Variants in TTF1 observed in about 807,000 individuals in gnomAD.
The protein encoded by TTF1 is transcription termination factor, RNA polymerase I.
TTF1 carries 64 observed loss-of-function variants against 80.2 expected under a neutral mutation model. The ratio of observed to expected loss-of-function variants is 0.80; its 90% CI spans 0.65 to 0.98. The LOEUF is 0.98. Among genes scored for constraint, TTF1 ranks in the 50% least tolerant of loss-of-function variants. The pLI, the probability that TTF1 is intolerant of heterozygous loss-of-function variation, is 0.00. For missense variants in TTF1, 1,023 were observed against 1,086.2 expected (o/e 0.94, Z 0.82); for synonymous variants, 372 against 382.7 (o/e 0.97, Z 0.33).
chr9:132,392,500 G>C (rs10901172), intron 5 of TTF1, among the ~76,000 whole-genome samples: 10,621 of 152,146 alleles, frequency 0.07, 543 homozygotes, highest in East Asian at 0.3. Context: ...TCCTCCACCC[G>C]ACCTGGACAG....
At chr9:132,378,311 G>T in intron 10 of TTF1, among the ~76,000 whole-genome samples, 1 of 144,696 alleles carries the variant, frequency 6.9e-6, no homozygotes, top group East Asian at 2.2e-4. Flanking sequence ...TGGTGTGTGT[G>T]AGTGCATGTG....
chr9:132,390,568 G>T (rs1849541458), intron 7 of TTF1, 29 bp downstream of exon 7: 1 of 1,602,550 alleles, frequency 6.2e-7, no homozygotes, highest in African/African-American at 1.3e-5. Flanking sequence ...AAGCTGGAGA[G>T]ACAGAGAAAG....
intron 5 of TTF1, among the ~76,000 whole-genome samples, chr9:132,392,858 T>C (rs1200062363): frequency 2.0e-5 from 3 of 152,224 alleles, no homozygotes; most frequent in Admixed American, 2.0e-4. Flanking sequence ...AATAATATAT[T>C]TCATTGAACT....
chr9:132,375,991 CT>C lies in TTF1; in HGVS notation c.2641del (p.Ser881AlafsTer34). On this transcript the variant is annotated frameshift_variant, in exon 11 of 11. Coordinates refer to ENST00000334270, the MANE Select transcript of TTF1 (RefSeq NM_007344.4). LOFTEE classifies it low-confidence loss of function (END_TRUNC). The stretch of plus-strand genomic sequence containing the variant: ...AGCCATGCATGGCGCCTGGCCTTCG[CT>C]TTCTTTTTCTATGTCCTCTCCTTCA... ...DSEGEDIEKE[S>X]EGQAPCMAHA... is the part of the protein sequence containing the mutation. 1.2e-6 allele frequency: 2 copies of C among 1,613,650 alleles called. No homozygotes were observed. The highest frequency in any genetic ancestry group is 1.7e-6 in the Non-Finnish European group (2 of 1,179,996).
At chr9:132,400,480 G>A (rs748076584) in intron 2 of TTF1, among the ~76,000 whole-genome samples, 2 of 152,190 alleles carry the variant, frequency 1.3e-5, no homozygotes, top group African/African-American at 4.8e-5. Flanking sequence ...GCGCCACCAC[G>A]CCCGGCTAAC....
At chr9:132,385,800 T>TATACC (rs1849456221) in intron 9 of TTF1, among the ~76,000 whole-genome samples, 1 of 119,652 alleles carries the variant, frequency 8.4e-6, no homozygotes, top group African/African-American at 3.1e-5. Context: ...ATACAGAAGG[T>TATACC]AGTCAATAAT....
rs938232910 is a variant in TTF1 at position 132,375,836 on chromosome 9, C to T, written c.*79G>A. On this transcript the variant is annotated 3_prime_UTR_variant, in exon 11 of 11. Coordinates refer to ENST00000334270, the MANE Select transcript of TTF1 (RefSeq NM_007344.4). ...TAGTTGAAATTACAGGTGTGCACTACCACACCCGGCTAATTTTTGCATTTT... is the reference window on the plus strand; with the variant it reads ...TAGTTGAAATTACAGGTGTGCACTATCACACCCGGCTAATTTTTGCATTTT... 4 of 848,464 alleles carry T rather than the reference C, an allele frequency of 4.7e-6. No individual in the cohort carries two copies. Among genetic ancestry groups the T allele is most frequent in the Non-Finnish European group, 7.3e-6 (4 of 545,698 alleles). The allele number at this position is 848,464 out of a possible 1,614,324, so 52.6% of individuals were successfully genotyped here.
At chr9:132,396,630 G>A (rs1047114181) in intron 4 of TTF1, 119 bp from the exon 5 acceptor site, 5 of 786,360 alleles carry the variant, frequency 6.4e-6, no homozygotes, top group African/African-American at 1.8e-5. Flanking sequence ...GTTAAGGCTG[G>A]GATTTCCTAC....
At chr9:132,400,386 C>T (rs997603108) in intron 2 of TTF1, 128 bp from the exon 3 acceptor site, 7 of 715,826 alleles carry the variant, frequency 9.8e-6, no homozygotes, top group Admixed American at 4.7e-5. Flanking sequence ...TGCAATGGTG[C>T]GATCTCAGCT....
Position 132,402,345 on chromosome 9 carries a change from C to G in TTF1, c.477G>C (p.Leu159=), listed in dbSNP as rs1245837058. ...TCTTTTTCTCCCTAACTTTACTGTG[C>G]AGGGCTTCTGATTTATGTGCATGTG... The part of the protein sequence containing the change: ...AKSHAHKSEA[L]HSKVREKKNK... Residue 159 remains leucine (L), a synonymous_variant, in exon 2 of 11, where the codon CTG becomes CTC. Coordinates refer to ENST00000334270, the MANE Select transcript of TTF1 (RefSeq NM_007344.4). 1.2e-6 allele frequency: 2 copies of G among 1,614,028 alleles called. No homozygotes were observed. The highest frequency in any genetic ancestry group is 1.7e-6 in the Non-Finnish European group (2 of 1,180,028).
intron 10 of TTF1, among the ~76,000 whole-genome samples, chr9:132,377,632 TG>T (rs1849237427): frequency 8.1e-6 from 1 of 122,864 alleles, no homozygotes; most frequent in Admixed American, 8.4e-5. Context: ...TGAGTGCATG[TG>T]GTGCGTGTGA....
At position 132,376,181 on chromosome 9, in the gene TTF1, AAT is replaced by A. The variant is rs1849173335; in HGVS notation, c.2465-15_2465-14del. The A allele has an allele frequency of 6.2e-7, 1 of 1,605,096 alleles. No homozygotes were observed. The highest frequency in any genetic ancestry group is 8.5e-7 in the Non-Finnish European group (1 of 1,178,158). On this transcript the variant is annotated splice_polypyrimidine_tract_variant and intron_variant, in intron 10 of 10. Coordinates refer to ENST00000334270, the MANE Select transcript of TTF1 (RefSeq NM_007344.4). The stretch of plus-strand genomic sequence containing the variant: ...TAGTCGATGATCTCTACAGAAAAGA[AAT>A]TTAATTGTGCAGTTATCTGTCTGTA...
intron 8 of TTF1, among the ~76,000 whole-genome samples, chr9:132,387,264 A>G (rs1849485293): frequency 6.6e-6 from 1 of 152,158 alleles, no homozygotes; most frequent in Admixed American, 6.5e-5. Flanking sequence ...AAGACCTTAA[A>G]GTGCGCAAAT....
chr9:132,392,812 C>G (rs983761724), intron 5 of TTF1, among the ~76,000 whole-genome samples: 1 of 152,210 alleles, frequency 6.6e-6, no homozygotes, highest in African/African-American at 2.4e-5. Context: ...ATATTTCTTA[C>G]ATGGACATGT....
rs1262173469 is a variant in TTF1 at position 132,392,127 on chromosome 9, C to T, written c.1936G>A (p.Val646Met). The T allele has an allele frequency of 6.2e-7, 1 of 1,614,016 alleles. No homozygotes were observed. Among genetic ancestry groups the T allele is most frequent in the African/African-American group, 1.3e-5 (1 of 74,918 alleles). Residue 646 changes from valine (V) to methionine (M), a missense_variant, in exon 6 of 11, where the codon GTG (valine) becomes ATG (methionine). By Grantham distance (21) the Val-to-Met change is conservative. Coordinates refer to ENST00000334270, the MANE Select transcript of TTF1 (RefSeq NM_007344.4). ...GNDWKTIGEM[V>M]ARSSLSVALK... ...GCCACGGAGAGGCTACTTCGGGCCA[C>T]CATCTCACCAATCGTCTTCCAGTCA...
At position 132,375,928 on chromosome 9, in the gene TTF1, C is replaced by T. The variant is rs147901566; in HGVS notation, c.2705G>A (p.Arg902Gln). 202 of 1,584,008 alleles carry T rather than the reference C, an allele frequency of 1.3e-4. No homozygotes were observed. The African/African-American group carries it at 1.3e-3, about 10-fold the overall frequency. ...GAACTCCTGACCTCAGATGATCCAC[C>T]GGCCTTGGCCTCCCAAAGTACTGGA... ...CNSSTLGGQG[R>Q]WII The change falls in exon 11 of 11, where the codon CGG (arginine) becomes CAG (glutamine). Residue 902 changes from arginine (R) to glutamine (Q), a missense_variant. Coordinates refer to ENST00000334270, the MANE Select transcript of TTF1 (RefSeq NM_007344.4).
rs1849690670 is a variant in TTF1, at chr9:132,398,189, A to AT, written c.1728dup (p.Ser577IlefsTer13). 1.9e-6 allele frequency: 3 copies of AT among 1,590,026 alleles called. No homozygotes were observed. Among genetic ancestry groups the AT allele is most frequent in the Non-Finnish European group, 2.6e-6 (3 of 1,173,158 alleles). On this transcript the variant is annotated frameshift_variant, in exon 4 of 11. Transcript: ENST00000334270. LOFTEE classifies it high-confidence loss of function. ...CTCCTTTTTAAGTTGGTGATCACAGATTTTTCCTCAGGATATCTGTCCGTG... is the reference window on the plus strand; with the variant it reads ...CTCCTTTTTAAGTTGGTGATCACAGATTTTTTCCTCAGGATATCTGTCCGTG...
intron 1 of TTF1, among the ~76,000 whole-genome samples, chr9:132,405,548 T>G (rs1425248234): frequency 6.6e-6 from 1 of 152,184 alleles, no homozygotes; most frequent in African/African-American, 2.4e-5. Context: ...ATCAGTTCCT[T>G]TCCTTCTTTT....
At position 132,402,312 on chromosome 9, in the gene TTF1, C is replaced by T. The variant is rs757226397; in HGVS notation, c.510G>A (p.Lys170=). The T allele has an allele frequency of 6.2e-7, 1 of 1,614,058 alleles. No homozygotes were observed. The highest frequency in any genetic ancestry group is 1.1e-5 in the South Asian group (1 of 91,084). ...CCCAGGATGCAGCTTTCCTCTGATG[C>T]TTTTTATTCTTTTTCTCCCTAACTT... ...HSKVREKKNK[K]HQRKAASWES... Residue 170 remains lysine, a synonymous_variant, in exon 2 of 11, where the codon AAG becomes AAA. Coordinates refer to ENST00000334270, the MANE Select transcript of TTF1 (RefSeq NM_007344.4).
Sources: allele counts gnomAD v4.1 joint callset (sites outside exome capture counted in the v4.1 genomes callset), GRCh38; gene constraint gnomAD v4.1.1; transcripts MANE v1.5; gene names NCBI Gene and HGNC (gene_info 2026-07-23, HGNC 2026-07-21).